POLDIP3: variants seen among roughly 807,000 people sequenced by gnomAD.
POLDIP3 encodes the protein DNA polymerase delta interacting protein 3, also known as polymerase delta-interacting protein 3.
In POLDIP3, 14 loss-of-function variants were observed where a neutral mutation model predicts 45.1. That is an observed-to-expected ratio of 0.31 (90% confidence interval 0.20 to 0.49). The LOEUF (loss-of-function observed/expected upper bound fraction) is 0.49. POLDIP3 is among the 20% of genes least tolerant of loss of function. POLDIP3 has a pLI of 0.99. For synonymous variants in POLDIP3, 223 were observed against 205.2 expected (o/e 1.09, Z -0.74); for missense variants, 511 against 538.8 (o/e 0.95, Z 0.51).
At chr22:42,605,415 T>C (rs1354491623) in intron 1 of POLDIP3, among the ~76,000 whole-genome samples, 1 of 152,262 alleles carries the variant, frequency 6.6e-6, no homozygotes, top group Non-Finnish European at 1.5e-5. Flanking sequence ...CGTGAGCCAC[T>C]GCGCCCGGCA....
At chr22:42,612,515 C>T (rs983321711) in intron 1 of POLDIP3, among the ~76,000 whole-genome samples, 1 of 152,162 alleles carries the variant, frequency 6.6e-6, no homozygotes, top group Non-Finnish European at 1.5e-5. Context: ...TGAACACTTG[C>T]CACATGGCAC....
Position 42,585,341 on chromosome 22 carries a change from C to CTT in POLDIP3, c.*449_*450insAA, listed in dbSNP as rs1569293339. On this transcript the variant is annotated 3_prime_UTR_variant, in exon 9 of 9. Coordinates refer to ENST00000252115, the MANE Select transcript of POLDIP3 (RefSeq NM_032311.5). ...CCTGGCTCCCGTCAGGACACCAGGG[C>CTT]TCTCCATCCCCTCCATTGTTTGAAA... The CTT allele has an allele frequency of 2.1e-6, 1 of 465,564 alleles. No homozygotes were observed. The highest frequency in any genetic ancestry group is 1.5e-5 in the South Asian group (1 of 64,634). The allele number at this position is 465,564 out of a possible 1,614,324, so 28.8% of individuals were successfully genotyped here. A position where few individuals can be genotyped will look rare whatever the true frequency, so the allele number is the denominator to read the frequency against.
At chr22:42,588,125 A>G (rs137092) in intron 7 of POLDIP3, among the ~76,000 whole-genome samples, 26,875 of 152,134 alleles carry the variant, frequency 0.18, 2,943 homozygotes, top group African/African-American at 0.3. Flanking sequence ...AATATTGGGG[A>G]AAAAATGTGA....
chr22:42,607,804 C>T (rs1235797123), intron 1 of POLDIP3, among the ~76,000 whole-genome samples: 1 of 151,850 alleles, frequency 6.6e-6, no homozygotes, highest in Non-Finnish European at 1.5e-5. Flanking sequence ...ACCGCCACCC[C>T]GTCTGGGAGG....
intron 1 of POLDIP3, among the ~76,000 whole-genome samples, chr22:42,610,940 G>C (rs1245089860): frequency 6.6e-6 from 1 of 152,086 alleles, no homozygotes; most frequent in African/African-American, 2.4e-5. Flanking sequence ...ATGAGGGGCA[G>C]GCCAGCACTG....
chr22:42,592,874 T>C (rs1241715190), intron 6 of POLDIP3, among the ~76,000 whole-genome samples: 3 of 152,182 alleles, frequency 2.0e-5, no homozygotes, highest in African/African-American at 4.8e-5. Flanking sequence ...ACTCACGCCA[T>C]TTCTTCACCT....
chr22:42,585,692 A>G lies in POLDIP3; in HGVS notation c.*99T>C. The G allele has an allele frequency of 2.2e-6, 3 of 1,384,530 alleles. No homozygotes were observed. Among genetic ancestry groups the G allele is most frequent in the Non-Finnish European group, 3.0e-6 (3 of 1,013,878 alleles). 85.8% of individuals were successfully genotyped at this position (1,384,530 alleles called of 1,614,324 possible). A position where few individuals can be genotyped will look rare whatever the true frequency, so the allele number is the denominator to read the frequency against. Reference sequence around the variant, plus strand: ...ATCCCTGGCAACCCTTCCCACAATCAGGGGTCTCCAGTCCGATGGCCCATT... The same window carrying G: ...ATCCCTGGCAACCCTTCCCACAATCGGGGGTCTCCAGTCCGATGGCCCATT... On this transcript the variant is annotated 3_prime_UTR_variant, in exon 9 of 9. Transcript: ENST00000252115.
At chr22:42,591,261 A>G (rs1230540545) in intron 7 of POLDIP3, among the ~76,000 whole-genome samples, 1 of 152,204 alleles carries the variant, frequency 6.6e-6, no homozygotes, top group Non-Finnish European at 1.5e-5. Flanking sequence ...AAGGTGCTCA[A>G]CATCATTAGC....
At position 42,605,826 on chromosome 22, in the gene POLDIP3, T is replaced by G. The variant is rs979222926; in HGVS notation, c.60-2666A>C. 2.6e-5 allele frequency among the ~76,000 whole-genome samples: 4 copies of G among 152,314 alleles called. No individual in the cohort carries two copies. In the South Asian group the frequency reaches 8.3e-4, roughly 32 times the overall value. On this transcript the variant is annotated intron_variant, in intron 1 of 8. Transcript: ENST00000252115. ...TACAAAGCCATAGACAAACTGGGAC[T>G]ATGCTTTGGGGTGACCTCAGAAACT...
chr22:42,605,203 C>A (rs1926646453), intron 1 of POLDIP3, among the ~76,000 whole-genome samples: 1 of 152,226 alleles, frequency 6.6e-6, no homozygotes, highest in South Asian at 2.1e-4. Context: ...TCTTGGCTCA[C>A]CGCAAGCTCC....
Position 42,595,773 on chromosome 22 carries a change from C to G in POLDIP3, c.814-159G>C, listed in dbSNP as rs528029735. ...GAACTTCAGTGTCCACTACACCCCC[C>G]ATCACTCTATGCTAAAAGCATGGAC... On this transcript the variant is annotated intron_variant, in intron 5 of 8. Coordinates refer to ENST00000252115, the MANE Select transcript of POLDIP3 (RefSeq NM_032311.5). Among the ~76,000 whole-genome samples, 369 of 152,292 alleles carry G rather than the reference C, an allele frequency of 2.4e-3. 2 individuals carry two copies. Among genetic ancestry groups the G allele is most frequent in the African/African-American group, 8.3e-3 (346 of 41,562 alleles).
chr22:42,614,672 G>A (rs113058028), intron 1 of POLDIP3, 127 bp downstream of exon 1: 3 of 1,045,870 alleles, frequency 2.9e-6, no homozygotes, highest in Middle Eastern at 5.3e-4. Context: ...CGGCCAATGA[G>A]GAGCGCGGCT....
chr22:42,592,908 G>C (rs1925757343), intron 6 of POLDIP3, among the ~76,000 whole-genome samples: 1 of 152,226 alleles, frequency 6.6e-6, no homozygotes, highest in Non-Finnish European at 1.5e-5. Flanking sequence ...CAAGGTTGCT[G>C]TGAGGGCCAA....
rs558988053 is a variant in POLDIP3, at chr22:42,599,897, G to A, written c.538-104C>T. Reference sequence around the variant, plus strand: ...GAAATGGCTGCTGGAGAAACAAAGGGACCAAGGAGAAGTGGGCACAGGGGT... The same window carrying A: ...GAAATGGCTGCTGGAGAAACAAAGGAACCAAGGAGAAGTGGGCACAGGGGT... On this transcript the variant is annotated intron_variant, in intron 3 of 8. Transcript: ENST00000252115. 9.7e-6 allele frequency: 8 copies of A among 821,460 alleles called. No individual in the cohort carries two copies. In the East Asian group the frequency reaches 1.9e-4, roughly 19 times the overall value. The allele number at this position is 821,460 out of a possible 1,614,324, so 50.9% of individuals were successfully genotyped here. A position where few individuals can be genotyped will look rare whatever the true frequency, so the allele number is the denominator to read the frequency against.
At chr22:42,593,772 G>A (rs1925814587) in intron 6 of POLDIP3, among the ~76,000 whole-genome samples, 1 of 152,018 alleles carries the variant, frequency 6.6e-6, no homozygotes. Context: ...ACCAACCTTG[G>A]CCTCCCAAAG....
At chr22:42,602,710 C>T in intron 2 of POLDIP3, 60 bp downstream of exon 2, 1 of 1,527,500 alleles carries the variant, frequency 6.5e-7, no homozygotes, top group Middle Eastern at 2.1e-4. Context: ...TGGCACCTTG[C>T]CTCTAAATCT....
chr22:42,601,977 G>A lies in POLDIP3; in HGVS notation c.530C>T (p.Ala177Val), dbSNP rs1278944680. ...MRINVVNNHQ[A>V]KQNLYDLDED... The stretch of plus-strand genomic sequence containing the variant: ...CTCACTCACTCACTCTACCTGTTTG[G>A]CCTGGTGGTTATTGACAACATTGAT... The change falls in exon 3 of 9, where the codon GCC becomes GTC. Residue 177 changes from alanine (A) to valine (V), a missense_variant. Around this residue, in one of 4 missense-constraint regions of POLDIP3, gnomAD observed 378 missense variants for 352.3 expected, o/e 1.07. Transcript: ENST00000252115. The A allele has an allele frequency of 2.5e-6, 4 of 1,613,736 alleles. No homozygotes were observed. Among genetic ancestry groups the A allele is most frequent in the African/African-American group, 2.7e-5 (2 of 74,844 alleles).
intron 1 of POLDIP3, among the ~76,000 whole-genome samples, chr22:42,606,615 CCT>C (rs1926746462): frequency 6.6e-6 from 1 of 152,150 alleles, no homozygotes; most frequent in African/African-American, 2.4e-5. Flanking sequence ...AGAGCAAGAC[CCT>C]GTCTCAAAAA....
chr22:42,610,185 A>G (rs1398485687), intron 1 of POLDIP3, among the ~76,000 whole-genome samples: 1 of 152,152 alleles, frequency 6.6e-6, no homozygotes, highest in East Asian at 1.9e-4. Flanking sequence ...AAAAATAAAT[A>G]AATAAAATAA....
Sources: gnomAD v4.1 joint callset for allele counts (sites outside exome capture counted in the v4.1 genomes callset) on GRCh38, gnomAD v4.1.1 for gene constraint, gnomAD v4.1.1 regional missense constraint, MANE v1.5 for transcripts, NCBI Gene and HGNC (gene_info 2026-07-23, HGNC 2026-07-21) for gene names.